The following POTEG variants were observed in gnomAD, a reference collection of about 807,000 sequenced individuals.
The protein encoded by POTEG is ANKRD26-like family C member 2.
A neutral mutation model predicts 49.6 loss-of-function variants in POTEG; 2 were observed. The ratio of observed to expected loss-of-function variants is 0.04; its 90% confidence interval spans 0.02 to 0.13. POTEG has a LOEUF of 0.13. Among genes scored for constraint, POTEG ranks in the 10% least tolerant of loss-of-function variants. POTEG has a pLI of 1.00. For missense variants in POTEG, 26 were observed against 545.2 expected, an observed-to-expected ratio of 0.05 and a Z score of 9.48; for synonymous variants, 7 against 186.6, an observed-to-expected ratio of 0.04 and a Z score of 7.84.
Position 19,415,259 on chromosome 14 carries a change from G to A in POTEG, c.1198-653C>T, listed in dbSNP as rs1361950505. On this transcript the variant is annotated intron_variant, in intron 7 of 10. Coordinates refer to ENST00000547848, the MANE Select transcript of POTEG (RefSeq NM_001005356.3). ...TGACAGTAGATAAAAATTTTAATCTGTCCTGATTTTCTGCAACTGAAATAA... is the reference window on the plus strand; with the variant it reads ...TGACAGTAGATAAAAATTTTAATCTATCCTGATTTTCTGCAACTGAAATAA... 2.3e-4 allele frequency among the ~76,000 whole-genome samples: 33 copies of A among 141,718 alleles called. 1 individual carries two copies. Among genetic ancestry groups the A allele is most frequent in the African/African-American group, 6.3e-4 (25 of 39,848 alleles). 93.0% of individuals were successfully genotyped at this position (141,718 alleles called of 152,430 possible).
chr14:19,416,193 G>C, intron 7 of POTEG, 95 bp downstream of exon 7: 1 of 1,393,788 alleles, frequency 7.2e-7, no homozygotes, highest in Admixed American at 2.7e-5. Flanking sequence ...TAGTCTCAAA[G>C]GTAATTTCAT....
chr14:19,421,918 AC>A (rs1247525076), intron 5 of POTEG, among the ~76,000 whole-genome samples: 2 of 86,626 alleles, frequency 2.3e-5, no homozygotes. Flanking sequence ...AGGGCATGTG[AC>A]CCAGTAAATT....
At chr14:19,433,025 C>T (rs1402432285) in intron 1 of POTEG, among the ~76,000 whole-genome samples, 4 of 96,716 alleles carry the variant, frequency 4.1e-5, no homozygotes, top group South Asian at 4.3e-4. Context: ...CCCGGGTTCA[C>T]GCCATTCTCC....
At chr14:19,421,188 A>ACC (rs1386088271) in intron 6 of POTEG, 7 of 111,872 alleles carry the variant, frequency 6.3e-5, no homozygotes, top group Admixed American at 4.7e-4. Context: ...TTACAGCCAC[A>ACC]CCCCATGGCT....
At chr14:19,415,825 T>TA (rs1566376903) in intron 7 of POTEG, among the ~76,000 whole-genome samples, 4 of 148,534 alleles carry the variant, frequency 2.7e-5, no homozygotes, top group African/African-American at 9.8e-5. Flanking sequence ...AAGAATCTAT[T>TA]AAAATTTTTT....
chr14:19,405,760 AGATTT>A, intron 9 of POTEG, among the ~76,000 whole-genome samples: 1 of 104,322 alleles, frequency 9.6e-6, no homozygotes, highest in South Asian at 3.3e-4. Flanking sequence ...AAACACTCCT[AGATTT>A]GATAAATGAA....
intron 1 of POTEG, among the ~76,000 whole-genome samples, chr14:19,432,366 GTATATA>G (rs58599371): frequency 0.024 from 912 of 37,828 alleles, 37 homozygotes; most frequent in African/African-American, 0.066. Context: ...AAGAAATTTT[GTATATA>G]TATATATATA....
chr14:19,426,163 C>T (rs1160239645), intron 3 of POTEG, among the ~76,000 whole-genome samples: 1 of 146,988 alleles, frequency 6.8e-6, no homozygotes, highest in African/African-American at 2.5e-5. Flanking sequence ...CAACCTCCAA[C>T]ATGCAACAAA....
rs548670297 is a variant in POTEG at position 19,415,018 on chromosome 14, A to C, written c.1198-412T>G. ...AAAGAGTTTACCTCATGAAACCCTA[A>C]CTAGTGAGCCCCCACAGTGCACTGA... On this transcript the variant is annotated intron_variant, in intron 7 of 10. Coordinates refer to ENST00000547848, the MANE Select transcript of POTEG (RefSeq NM_001005356.3). 4.4e-4 allele frequency among the ~76,000 whole-genome samples: 64 copies of C among 144,580 alleles called. 2 individuals are homozygous for C. The highest frequency in any genetic ancestry group is 1.5e-3 in the African/African-American group (62 of 40,460). 94.9% of individuals were successfully genotyped at this position (144,580 alleles called of 152,430 possible).
At chr14:19,420,435 TGGC>T (rs1883714686) in intron 6 of POTEG, among the ~76,000 whole-genome samples, 2 of 141,232 alleles carry the variant, frequency 1.4e-5, no homozygotes, top group African/African-American at 2.7e-5. Context: ...TTAGAAAAAA[TGGC>T]TAGTATCTAA....
chr14:19,432,366 G>GTGTATA (rs1555310346), intron 1 of POTEG, among the ~76,000 whole-genome samples: 6 of 37,896 alleles, frequency 1.6e-4, no homozygotes, highest in African/African-American at 2.4e-4. Flanking sequence ...AAGAAATTTT[G>GTGTATA]TATATATATA....
At position 19,424,515 on chromosome 14, in the gene POTEG, G is replaced by A. The variant is rs537610790; in HGVS notation, c.918-213C>T. On this transcript the variant is annotated intron_variant, in intron 4 of 10. Coordinates refer to ENST00000547848, the MANE Select transcript of POTEG (RefSeq NM_001005356.3). ...AAAAAAACCCTCTTATCTCAGTGGG[G>A]TATTGCATAGCAGAAGCTACTAATT... The A allele has an allele frequency of 6.0e-3, 1,403 of 232,316 alleles. 187 individuals carry two copies. The highest frequency in any genetic ancestry group is 0.059 in the African/African-American group (1,249 of 21,070). 14.4% of individuals were successfully genotyped at this position (232,316 alleles called of 1,614,324 possible).
chr14:19,416,114 G>C (rs1442547484), intron 7 of POTEG, among the ~76,000 whole-genome samples, 174 bp downstream of exon 7: 1 of 145,502 alleles, frequency 6.9e-6, no homozygotes, highest in Non-Finnish European at 1.5e-5. Context: ...AAAGTGCTGA[G>C]ATTACAGGCA....
intron 6 of POTEG, among the ~76,000 whole-genome samples, chr14:19,420,279 TAATC>T (rs1883706012): frequency 7.3e-6 from 1 of 137,064 alleles, no homozygotes; most frequent in Non-Finnish European, 1.5e-5. Flanking sequence ...GTCTGGCACA[TAATC>T]AATATATAAT....
At chr14:19,414,819 G>C (rs539605127) in intron 7 of POTEG, among the ~76,000 whole-genome samples, 7 of 138,348 alleles carry the variant, frequency 5.1e-5, no homozygotes, top group African/African-American at 1.8e-4. Flanking sequence ...CCACATCACT[G>C]GCTTCTAACA....
intron 1 of POTEG, among the ~76,000 whole-genome samples, chr14:19,432,403 T>TATATATATATACACAC (rs1330765784): frequency 1.1e-4 from 5 of 44,724 alleles, no homozygotes; most frequent in Admixed American, 2.5e-4. Flanking sequence ...TATATATATA[T>TATATATATATACACAC]ACACACACAT....
At chr14:19,414,839 T>G (rs1364446763) in intron 7 of POTEG, among the ~76,000 whole-genome samples, 1 of 137,012 alleles carries the variant, frequency 7.3e-6, no homozygotes, top group Non-Finnish European at 1.7e-5. Context: ...ATGTGAAAAA[T>G]AATTCACCTT....
intron 6 of POTEG, among the ~76,000 whole-genome samples, chr14:19,418,941 C>A (rs1594275512): frequency 8.9e-5 from 6 of 67,228 alleles, no homozygotes; most frequent in Admixed American, 1.8e-4. Context: ...AAACTGCCAA[C>A]AATTAATGTT....
intron 1 of POTEG, among the ~76,000 whole-genome samples, chr14:19,432,403 T>TATATATATACAC (rs1330765784): frequency 5.5e-3 from 243 of 44,420 alleles, no homozygotes; most frequent in Non-Finnish European, 8.5e-3. Flanking sequence ...TATATATATA[T>TATATATATACAC]ACACACACAT....
Sources: allele counts gnomAD v4.1 joint callset (sites outside exome capture counted in the v4.1 genomes callset), GRCh38; gene constraint gnomAD v4.1.1; transcripts MANE v1.5; gene names NCBI Gene and HGNC (gene_info 2026-07-23, HGNC 2026-07-21).